Variants in LHFPL3 observed in about 807,000 individuals in gnomAD.
The protein encoded by LHFPL3 is LHFPL tetraspan subfamily member 3, also known as LHFPL tetraspan subfamily member 3 protein.
A neutral mutation model predicts 19.3 loss-of-function variants in LHFPL3; 5 were observed. The ratio of observed to expected loss-of-function variants is 0.26; its 90% confidence interval spans 0.14 to 0.54. LHFPL3 has a LOEUF of 0.54. LHFPL3 is among the 20% of genes least tolerant of loss of function. The pLI is 0.94. For missense variants in LHFPL3, 249 were observed against 307.4 expected, an observed-to-expected ratio of 0.81 and a Z score of 1.42; for synonymous variants, 133 against 126.2, an observed-to-expected ratio of 1.05 and a Z score of -0.36.
intron 1 of LHFPL3, among the ~76,000 whole-genome samples, chr7:104,579,368 G>A (rs530335283): frequency 2.2e-4 from 33 of 152,080 alleles, no homozygotes; most frequent in Non-Finnish European, 4.0e-4. Context: ...TATGTCCAGG[G>A]GCACCCAATA....
intron 1 of LHFPL3, among the ~76,000 whole-genome samples, chr7:104,527,282 A>G (rs976698193): frequency 2.0e-5 from 3 of 152,048 alleles, no homozygotes; most frequent in Admixed American, 2.0e-4. Flanking sequence ...GAATTTGGCA[A>G]GAGGGGATGG....
At chr7:104,565,721 GTCTATCTATCTATCTATCTA>G (rs6150264) in intron 1 of LHFPL3, among the ~76,000 whole-genome samples, 1,642 of 144,032 alleles carry the variant, frequency 0.011, 30 homozygotes, top group African/African-American at 0.04. Context: ...CTGTCTGTCT[GTCTATCTATCTATCTATCTA>G]TCTATCTATC....
intron 1 of LHFPL3, among the ~76,000 whole-genome samples, chr7:104,469,776 G>C (rs1266771541): frequency 6.6e-6 from 1 of 152,052 alleles, no homozygotes; most frequent in Non-Finnish European, 1.5e-5. Context: ...AGAGAAACTT[G>C]AATCCATGTA....
At chr7:104,364,719 C>T (rs1790452486) in intron 1 of LHFPL3, among the ~76,000 whole-genome samples, 1 of 152,204 alleles carries the variant, frequency 6.6e-6, no homozygotes, top group South Asian at 2.1e-4. Context: ...TAACTGTGGG[C>T]AGGTCATTTA....
At chr7:104,528,357 G>A (rs1457468168) in intron 1 of LHFPL3, among the ~76,000 whole-genome samples, 2 of 152,192 alleles carry the variant, frequency 1.3e-5, no homozygotes, top group African/African-American at 2.4e-5. Flanking sequence ...AAACAATGTT[G>A]TAATAAGGAA....
In LHFPL3 at chr7:104,829,665, A is replaced by C. The variant is rs1362566049; in HGVS notation, c.683-76522A>C. ...TCCCTACAAAGGACATGAACTCATCATTTTTTATGGCTGCATAGTATTCCA... is the reference window on the plus strand; with the variant it reads ...TCCCTACAAAGGACATGAACTCATCCTTTTTTATGGCTGCATAGTATTCCA... On this transcript the variant is annotated intron_variant, in intron 2 of 2. Transcript: ENST00000424859. Among the ~76,000 whole-genome samples the C allele has an allele frequency of 1.3e-4, 20 of 151,866 alleles. 1 individual carries two copies. The South Asian group carries it at 1.9e-3, about 14-fold the overall frequency.
intron 1 of LHFPL3, among the ~76,000 whole-genome samples, chr7:104,433,305 G>A (rs1188905032): frequency 6.6e-6 from 1 of 152,164 alleles, no homozygotes; most frequent in Non-Finnish European, 1.5e-5. Context: ...AAGGTAAACA[G>A]TGTCTTACTA....
At chr7:104,586,257 A>AT (rs1456612114) in intron 1 of LHFPL3, among the ~76,000 whole-genome samples, 1 of 152,100 alleles carries the variant, frequency 6.6e-6, no homozygotes, top group East Asian at 1.9e-4. Context: ...GGAGTTAAGG[A>AT]TGGTTGTGAA....
At chr7:104,592,356 G>A (rs1313308614) in intron 1 of LHFPL3, among the ~76,000 whole-genome samples, 5 of 151,448 alleles carry the variant, frequency 3.3e-5, no homozygotes, top group Admixed American at 3.3e-4. Flanking sequence ...AGGACCCTCA[G>A]CTGCAGGTCT....
At chr7:104,364,689 T>G (rs145948924) in intron 1 of LHFPL3, among the ~76,000 whole-genome samples, 2,090 of 152,352 alleles carry the variant, frequency 0.014, 23 homozygotes, top group Non-Finnish European at 0.022. Context: ...TTTTGTCCAC[T>G]CTAGCAAGAA....
intron 2 of LHFPL3, among the ~76,000 whole-genome samples, chr7:104,865,229 G>A (rs1791697626): frequency 6.6e-6 from 1 of 152,224 alleles, no homozygotes; most frequent in South Asian, 2.1e-4. Flanking sequence ...GATGGGGAAT[G>A]ACTTTGACGA....
At chr7:104,793,967 G>T (rs959724559) in intron 2 of LHFPL3, among the ~76,000 whole-genome samples, 1 of 152,166 alleles carries the variant, frequency 6.6e-6, no homozygotes, top group Non-Finnish European at 1.5e-5. Context: ...TCTTAGAGAG[G>T]CTCGGTGTGG....
At chr7:104,368,506 T>C (rs549333133) in intron 1 of LHFPL3, among the ~76,000 whole-genome samples, 1 of 152,292 alleles carries the variant, frequency 6.6e-6, no homozygotes, top group South Asian at 2.1e-4. Flanking sequence ...CTGCGGCGCG[T>C]AATCTCCTCC....
intron 1 of LHFPL3, among the ~76,000 whole-genome samples, chr7:104,332,537 C>T (rs1013883029): frequency 6.6e-6 from 1 of 152,060 alleles, no homozygotes; most frequent in African/African-American, 2.4e-5. Context: ...AGCCAAAATC[C>T]TATTTCAAGT....
chr7:104,490,420 A>G (rs1166511706), intron 1 of LHFPL3, among the ~76,000 whole-genome samples: 1 of 152,166 alleles, frequency 6.6e-6, no homozygotes, highest in East Asian at 1.9e-4. Context: ...ATGATCCCTA[A>G]TCATAAATAA....
intron 1 of LHFPL3, among the ~76,000 whole-genome samples, chr7:104,365,818 T>C (rs1790484071): frequency 7.0e-6 from 1 of 142,632 alleles, no homozygotes; most frequent in Admixed American, 7.1e-5. Context: ...AAAGCCTCTT[T>C]CCAGCTAGGC....
intron 1 of LHFPL3, among the ~76,000 whole-genome samples, chr7:104,397,782 A>G (rs1791221215): frequency 6.6e-6 from 1 of 152,178 alleles, no homozygotes; most frequent in African/African-American, 2.4e-5. Context: ...GTTTAGTTCA[A>G]AAAGAAGGTG....
At chr7:104,624,580 C>G (rs73181808) in intron 1 of LHFPL3, among the ~76,000 whole-genome samples, 4,358 of 152,222 alleles carry the variant, frequency 0.029, 76 homozygotes, top group Middle Eastern at 0.054. Flanking sequence ...GTACCTTCAG[C>G]CAAAGCAGCT....
chr7:104,791,669 C>T (rs1408580311), intron 2 of LHFPL3, among the ~76,000 whole-genome samples: 1 of 152,212 alleles, frequency 6.6e-6, no homozygotes, highest in Non-Finnish European at 1.5e-5. Flanking sequence ...ACTTGGGAAT[C>T]TCAACTTCTT....
Sources: gnomAD v4.1 joint callset for allele counts (sites outside exome capture counted in the v4.1 genomes callset) on GRCh38, gnomAD v4.1.1 for gene constraint, MANE v1.5 for transcripts, NCBI Gene and HGNC (gene_info 2026-07-23, HGNC 2026-07-21) for gene names.